GPC6: variants seen among roughly 807,000 people sequenced by gnomAD.
The protein encoded by GPC6 is glypican 6.
In GPC6, 14 loss-of-function variants were observed where a neutral mutation model predicts 55.2. The observed-to-expected ratio is 0.25, with a 90% CI of 0.17 to 0.40. GPC6 has a LOEUF of 0.40. Ranked by LOEUF, GPC6 falls within the 10% of genes least tolerant of loss-of-function variation. GPC6 has a pLI of 1.00. For missense variants in GPC6, 641 were observed against 708.5 expected, an observed-to-expected ratio of 0.90 and a Z score of 1.08; for synonymous variants, 278 against 259.6, an observed-to-expected ratio of 1.07 and a Z score of -0.68.
chr13:93,729,222 G>A (rs1394648983), intron 2 of GPC6, among the ~76,000 whole-genome samples: 1 of 152,050 alleles, frequency 6.6e-6, no homozygotes, highest in Non-Finnish European at 1.5e-5. Context: ...AAATTCAGTG[G>A]GCAATGCTCT....
At chr13:93,426,790 C>A (rs902763073) in intron 1 of GPC6, among the ~76,000 whole-genome samples, 4 of 151,802 alleles carry the variant, frequency 2.6e-5, no homozygotes, top group African/African-American at 4.8e-5. Flanking sequence ...ATTTCTAGTT[C>A]TAGATCCCTG....
intron 6 of GPC6, among the ~76,000 whole-genome samples, chr13:94,381,310 C>T (rs971627576): frequency 6.6e-6 from 1 of 152,178 alleles, no homozygotes; most frequent in African/African-American, 2.4e-5. Flanking sequence ...TACTATCCCA[C>T]AGTTCTGGGG....
intron 1 of GPC6, among the ~76,000 whole-genome samples, chr13:93,425,983 T>G (rs1036856859): frequency 7.2e-5 from 11 of 152,288 alleles, no homozygotes; most frequent in African/African-American, 2.4e-4. Context: ...TTTAATTGAA[T>G]GTCATTTCCT....
intron 6 of GPC6, among the ~76,000 whole-genome samples, chr13:94,343,756 A>G (rs1036175116): frequency 6.6e-6 from 1 of 151,936 alleles, no homozygotes; most frequent in Non-Finnish European, 1.5e-5. Context: ...TTGAGGCAGG[A>G]TCTTGCTCTG....
intron 2 of GPC6, among the ~76,000 whole-genome samples, chr13:93,655,140 C>T (rs1041902708): frequency 5.3e-5 from 8 of 151,920 alleles, no homozygotes; most frequent in South Asian, 2.1e-4. Flanking sequence ...TGAGCCACCG[C>T]GCCCGGCCCA....
At chr13:93,263,888 A>G (rs777707272) in intron 1 of GPC6, among the ~76,000 whole-genome samples, 2 of 152,180 alleles carry the variant, frequency 1.3e-5, no homozygotes. Flanking sequence ...TTTGGTTGAC[A>G]TTGCCACATA....
intron 3 of GPC6, among the ~76,000 whole-genome samples, chr13:93,867,764 A>T (rs930301680): frequency 6.6e-6 from 1 of 151,698 alleles, no homozygotes; most frequent in Non-Finnish European, 1.5e-5. Context: ...TAGCACCACA[A>T]CTTTTAGTGT....
At chr13:94,201,217 G>A (rs1351791077) in intron 4 of GPC6, among the ~76,000 whole-genome samples, 1 of 152,144 alleles carries the variant, frequency 6.6e-6, no homozygotes, top group African/African-American at 2.4e-5. Flanking sequence ...AGAAGTCAGG[G>A]GGTCTGACAG....
At chr13:94,061,233 T>C (rs1052006554) in intron 4 of GPC6, among the ~76,000 whole-genome samples, 11 of 152,190 alleles carry the variant, frequency 7.2e-5, no homozygotes, top group Admixed American at 2.0e-4. Flanking sequence ...ATTCTAAACA[T>C]GCCTTCAAAC....
chr13:93,247,037 A>C (rs1322495089), intron 1 of GPC6, among the ~76,000 whole-genome samples: 1 of 151,464 alleles, frequency 6.6e-6, no homozygotes, highest in African/African-American at 2.4e-5. Context: ...ATTTAACAAA[A>C]ATTTTAAGTA....
intron 4 of GPC6, among the ~76,000 whole-genome samples, chr13:94,133,278 A>AC (rs1166469065): frequency 4.0e-5 from 6 of 151,480 alleles, no homozygotes; most frequent in Non-Finnish European, 8.8e-5. Context: ...AAAAAAAAAA[A>AC]AAAAAAAAAA....
chr13:94,340,365 G>GAATT (rs1566695111), intron 6 of GPC6, among the ~76,000 whole-genome samples: 1 of 151,920 alleles, frequency 6.6e-6, no homozygotes, highest in Non-Finnish European at 1.5e-5. Flanking sequence ...CAATTATCAA[G>GAATT]AATTAGAAAT....
intron 3 of GPC6, among the ~76,000 whole-genome samples, chr13:94,026,613 T>G (rs1485730988): frequency 6.6e-6 from 1 of 152,162 alleles, no homozygotes; most frequent in Non-Finnish European, 1.5e-5. Context: ...TGCTTTCTAA[T>G]TTTGGTCTCC....
intron 1 of GPC6, among the ~76,000 whole-genome samples, chr13:93,296,202 A>G (rs1365453794): frequency 6.6e-6 from 1 of 152,090 alleles, no homozygotes; most frequent in Non-Finnish European, 1.5e-5. Flanking sequence ...TGAGAGTCCT[A>G]TTTGACTTTT....
intron 4 of GPC6, among the ~76,000 whole-genome samples, chr13:94,227,498 A>C (rs532990477): frequency 8.5e-5 from 13 of 152,224 alleles, no homozygotes; most frequent in African/African-American, 3.1e-4. Flanking sequence ...TTTATTCTAA[A>C]TTGCACAAAG....
At chr13:94,321,465 G>C (rs1453706002) in intron 6 of GPC6, among the ~76,000 whole-genome samples, 5 of 152,206 alleles carry the variant, frequency 3.3e-5, no homozygotes, top group Admixed American at 2.6e-4. Context: ...TGGTAATTCT[G>C]CTTTGAATTC....
At chr13:94,400,213 C>G (rs1486557412) in intron 8 of GPC6, among the ~76,000 whole-genome samples, 1 of 152,200 alleles carries the variant, frequency 6.6e-6, no homozygotes, top group African/African-American at 2.4e-5. Flanking sequence ...AAACCATTAT[C>G]ACATCTTATA....
intron 4 of GPC6, among the ~76,000 whole-genome samples, chr13:94,070,025 T>C (rs1376717894): frequency 6.6e-6 from 1 of 152,202 alleles, no homozygotes; most frequent in East Asian, 1.9e-4. Context: ...TACTTTGTTT[T>C]CAGGCTGCTA....
intron 2 of GPC6, among the ~76,000 whole-genome samples, chr13:93,723,612 C>G (rs1206037264): frequency 6.6e-6 from 1 of 151,940 alleles, no homozygotes; most frequent in Non-Finnish European, 1.5e-5. Flanking sequence ...AAGCTACTGT[C>G]TTTTGGTGTC....
Sources: gnomAD v4.1 joint callset for allele counts (sites outside exome capture counted in the v4.1 genomes callset) on GRCh38, gnomAD v4.1.1 for gene constraint, MANE v1.5 for transcripts, NCBI Gene and HGNC (gene_info 2026-07-23, HGNC 2026-07-21) for gene names.